CAMSAP3: variants seen among roughly 807,000 people sequenced by gnomAD.
CAMSAP3 encodes calmodulin regulated spectrin associated protein family member 3, also known as calmodulin-regulated spectrin-associated protein 3.
In CAMSAP3, 34 loss-of-function variants were observed where a neutral mutation model predicts 112.5. That is an observed-to-expected ratio of 0.30 (90% confidence interval 0.23 to 0.40). The LOEUF is 0.40. Among genes scored for constraint, CAMSAP3 ranks in the 10% least tolerant of loss-of-function variants. The probability of loss-of-function intolerance (pLI) is 1.00; values close to 1 mark genes in which losing one functional copy is unlikely to be tolerated. For missense variants in CAMSAP3, 1,602 were observed against 1,770.3 expected, an observed-to-expected ratio of 0.90 and a Z score of 1.71; for synonymous variants, 868 against 799.8, an observed-to-expected ratio of 1.09 and a Z score of -1.44.
intron 11 of CAMSAP3, among the ~76,000 whole-genome samples, chr19:7,614,283 A>AAAAAAAAAAAAAAAAAT: frequency 2.8e-5 from 4 of 142,530 alleles, no homozygotes; most frequent in Non-Finnish European, 4.6e-5. Context: ...AAAAAAAAAA[A>AAAAAAAAAAAAAAAAAT]GTGAGCACAG....
intron 1 of CAMSAP3, among the ~76,000 whole-genome samples, chr19:7,603,517 C>G (rs964749568): frequency 6.6e-6 from 1 of 151,954 alleles, no homozygotes; most frequent in Non-Finnish European, 1.5e-5. Context: ...ACCCGGCCCC[C>G]ACCCCGTTCT....
At chr19:7,601,214 T>G (rs1037797771) in intron 1 of CAMSAP3, among the ~76,000 whole-genome samples, 25 of 152,246 alleles carry the variant, frequency 1.6e-4, no homozygotes, top group Non-Finnish European at 3.4e-4. Flanking sequence ...GGGATATGTC[T>G]TGGGTCAATG....
At position 7,606,525 on chromosome 19, in the gene CAMSAP3, C is replaced by T; in HGVS notation, c.575C>T (p.Ala192Val). ...EKTEQEAAQR[A>V]SPAAPADGAA... ...ACCGAGCAGGAAGCGGCCCAGCGAG[C>T]CTCTCCAGCAGCCCCTGCAGACGGG... Residue 192 changes from alanine (A) to valine (V), a missense_variant, in exon 4 of 17, where the codon GCC becomes GTC. This residue lies in a region of CAMSAP3 where 112 missense variants were observed against 94.2 expected (regional missense o/e 1.19). Coordinates refer to ENST00000160298, the MANE Select transcript of CAMSAP3 (RefSeq NM_020902.2). 6.4e-7 allele frequency: 1 copy of T among 1,559,066 alleles called. No homozygotes were observed. Among genetic ancestry groups the T allele is most frequent in the Non-Finnish European group, 8.6e-7 (1 of 1,159,896 alleles).
Position 7,618,152 on chromosome 19 carries a change from C to T in CAMSAP3, c.*95C>T. 7.2e-7 allele frequency: 1 copy of T among 1,383,068 alleles called. No homozygotes were observed. The highest frequency in any genetic ancestry group is 1.3e-5 in the South Asian group (1 of 74,724). 85.7% of individuals were successfully genotyped at this position (1,383,068 alleles called of 1,614,324 possible). ...GGTATTCCTGGGTCCTGTCTGTCCC[C>T]AACCGTGTCTGGGTGGGGCTGGAGT... is the stretch of plus-strand genomic sequence containing the variant. On this transcript the variant is annotated 3_prime_UTR_variant, in exon 17 of 17. Transcript: ENST00000160298.
chr19:7,596,845 GC>G (rs960308872), intron 1 of CAMSAP3, among the ~76,000 whole-genome samples: 7 of 152,092 alleles, frequency 4.6e-5, no homozygotes, highest in Non-Finnish European at 7.4e-5. Flanking sequence ...CCTGGGGTGG[GC>G]CCCCCGCTCC....
rs539455375 is a variant in CAMSAP3, at chr19:7,595,877, A to AGCG, written c.-105_-103dup. 467 of 280,058 alleles carry AGCG rather than the reference A, an allele frequency of 1.7e-3. 1 individual carries two copies. The highest frequency in any genetic ancestry group is 2.0e-3 in the Non-Finnish European group (380 of 186,972). The allele number at this position is 280,058 out of a possible 1,614,324, so 17.3% of individuals were successfully genotyped here. ...CGCAAGCGGCCGCACCTGGCTCAGC[A>AGCG]GCGGCGGCGGCGGCGGCGGCGGCAG... On this transcript the variant is annotated 5_prime_UTR_variant, in exon 1 of 17. Transcript: ENST00000160298.
chr19:7,616,693 T>C (rs2030810389), intron 14 of CAMSAP3, 71 bp downstream of exon 14: 10 of 1,139,596 alleles, frequency 8.8e-6, no homozygotes, highest in Non-Finnish European at 1.2e-5. Flanking sequence ...TGTGTGGGCA[T>C]CTGGGTGAAC....
At chr19:7,605,147 G>GT (rs3223050) in intron 1 of CAMSAP3, 79 bp from the exon 2 acceptor site, 1 of 623,268 alleles carries the variant, frequency 1.6e-6, no homozygotes. Context: ...CGGGCCATGT[G>GT]GTGTGTGTGT....
intron 4 of CAMSAP3, chr19:7,606,839 G>T (rs1201709722): frequency 2.5e-6 from 4 of 1,611,952 alleles, no homozygotes; most frequent in Non-Finnish European, 2.5e-6. Flanking sequence ...CGCCCCGTCT[G>T]CCTGCCCTGC....
At chr19:7,598,467 C>T (rs1337242538) in intron 1 of CAMSAP3, among the ~76,000 whole-genome samples, 2 of 152,054 alleles carry the variant, frequency 1.3e-5, no homozygotes, top group Non-Finnish European at 2.9e-5. Flanking sequence ...ATGCAGTGGC[C>T]CCGTGGGAGT....
chr19:7,597,106 G>T (rs2024458312), intron 1 of CAMSAP3, among the ~76,000 whole-genome samples: 1 of 152,158 alleles, frequency 6.6e-6, no homozygotes, highest in Non-Finnish European at 1.5e-5. Flanking sequence ...GGGAGCTGTG[G>T]GGGTACATCC....
chr19:7,608,138 A>G lies in CAMSAP3; in HGVS notation c.634A>G (p.Lys212Glu). The G allele has an allele frequency of 6.2e-7, 1 of 1,611,512 alleles. No individual in the cohort carries two copies. The highest frequency in any genetic ancestry group is 8.5e-7 in the Non-Finnish European group (1 of 1,179,714). Residue 212 changes from lysine to glutamate, a missense_variant, in exon 5 of 17, where the codon AAG (lysine) becomes GAG (glutamate). Transcript: ENST00000160298. Reference protein sequence around the residue: ...APAQPSIRYRKDRVVARRAPC... With the variant: ...APAQPSIRYREDRVVARRAPC... ...CTCCCATCTGCAGATCCGATACCGCAAGGACCGTGTGGTGGCGCGACGTGC... is the reference window on the plus strand; with the variant it reads ...CTCCCATCTGCAGATCCGATACCGCGAGGACCGTGTGGTGGCGCGACGTGC...
Position 7,612,077 on chromosome 19 carries a change from A to G in CAMSAP3, c.1584A>G (p.Lys528=), listed in dbSNP as rs1568445624. 1 of 1,608,706 alleles carries G rather than the reference A, an allele frequency of 6.2e-7. No homozygotes were observed. The highest frequency in any genetic ancestry group is 2.2e-5 in the East Asian group (1 of 44,736). The part of the protein sequence containing the change: ...VYMPHPETPS[K]PSPCLVGEAS... ...TGCCACACCCCGAGACCCCCTCGAA[A>G]CCATCTCCCTGTCTGGTGGGGGAGG... Residue 528 remains lysine (K), a synonymous_variant, in exon 11 of 17, where the codon AAA becomes AAG. Coordinates refer to ENST00000160298, the MANE Select transcript of CAMSAP3 (RefSeq NM_020902.2).
In CAMSAP3 at chr19:7,611,260, C is replaced by A; in HGVS notation, c.1123+92C>A. The A allele has an allele frequency of 1.6e-6, 2 of 1,283,842 alleles. No individual in the cohort carries two copies. The highest frequency in any genetic ancestry group is 1.8e-5 in the Admixed American group (1 of 55,952). 79.5% of individuals were successfully genotyped at this position (1,283,842 alleles called of 1,614,324 possible). ...TCATGTTGTCTCCTCGTGAGCCTTCCAATAGCCTCTCCATCAGATCCCCCT... is the reference window on the plus strand; with the variant it reads ...TCATGTTGTCTCCTCGTGAGCCTTCAAATAGCCTCTCCATCAGATCCCCCT... On this transcript the variant is annotated intron_variant, in intron 9 of 16. Coordinates refer to ENST00000160298, the MANE Select transcript of CAMSAP3 (RefSeq NM_020902.2). This position sits in a 1 kb window ranked among gnomAD's most constrained non-coding sequence, Gnocchi z 6.9.
In CAMSAP3 at chr19:7,610,507, G is replaced by A. The variant is rs200097603; in HGVS notation, c.792G>A (p.Ala264=). ...EVCLKDPMSV[A]DSLYNLQLVQ... ...GCTTGAAGGACCCCATGTCTGTGGCGGACAGCCTGTACAACCTCCAGCTCG... is the reference window on the plus strand; with the variant it reads ...GCTTGAAGGACCCCATGTCTGTGGCAGACAGCCTGTACAACCTCCAGCTCG... The change falls in exon 6 of 17, where the codon GCG becomes GCA. Residue 264 remains alanine (A), a synonymous_variant. Coordinates refer to ENST00000160298, the MANE Select transcript of CAMSAP3 (RefSeq NM_020902.2). This position sits in a 1 kb window ranked among gnomAD's most constrained non-coding sequence, Gnocchi z 4.9. The A allele has an allele frequency of 6.2e-5, 100 of 1,613,382 alleles. No individual in the cohort carries two copies. The highest frequency in any genetic ancestry group is 1.2e-4 in the Admixed American group (7 of 59,996).
intron 5 of CAMSAP3, among the ~76,000 whole-genome samples, chr19:7,609,454 C>A (rs1338579059): frequency 6.6e-6 from 1 of 152,010 alleles, no homozygotes; most frequent in Non-Finnish European, 1.5e-5. Flanking sequence ...AGCCACCACA[C>A]CTGGCCCGGA....
rs368356046 is a variant in CAMSAP3, at chr19:7,615,247, G to C, written c.2735G>C (p.Arg912Pro). The C allele has an allele frequency of 4.2e-5, 65 of 1,551,242 alleles. No individual in the cohort carries two copies. The highest frequency in any genetic ancestry group is 5.3e-5 in the Non-Finnish European group (61 of 1,147,606). Residue 912 changes from arginine (R) to proline (P), a missense_variant, in exon 12 of 17, where the codon CGG (arginine) becomes CCG (proline). Physicochemically the swap from Arg to Pro is moderately radical, Grantham distance 103 (BLOSUM62 -2). Transcript: ENST00000160298. The surrounding 1 kb of genome is among the most constrained non-coding windows in gnomAD (Gnocchi z 6.5). ...GCCAGCCTGCTGGAGCGGCAGCAGC[G>C]GCGAGCAGAGGAGGCGCGGCGGCGC... is the stretch of plus-strand genomic sequence containing the variant. ...KRASLLERQQ[R>P]RAEEARRRKQ...
chr19:7,615,201 G>A lies in CAMSAP3; in HGVS notation c.2689G>A (p.Asp897Asn), dbSNP rs1428442710. Reference sequence around the variant, plus strand: ...TCCCCAGGATGAAGACAAGCCTGAGGACGAGATGGCCCAAAAGCGGGCCAG... The same window carrying A: ...TCCCCAGGATGAAGACAAGCCTGAGAACGAGATGGCCCAAAAGCGGGCCAG... ...FFYKDEDKPE[D>N]EMAQKRASLL... is the part of the protein sequence containing the mutation. Residue 897 changes from aspartate to asparagine, a missense_variant, in exon 12 of 17, where the codon GAC becomes AAC. Physicochemically the swap from Asp to Asn is conservative, Grantham distance 23 (BLOSUM62 1). This residue lies in a region of CAMSAP3 where 1,100 missense variants were observed against 1,135.7 expected (regional missense o/e 0.97). Transcript: ENST00000160298. The surrounding 1 kb of genome is among the most constrained non-coding windows in gnomAD (Gnocchi z 6.5). 2 of 1,554,350 alleles carry A rather than the reference G, an allele frequency of 1.3e-6. No individual in the cohort carries two copies. The highest frequency in any genetic ancestry group is 1.9e-5 in the Admixed American group (1 of 51,504).
chr19:7,612,618 G>A lies in CAMSAP3; in HGVS notation c.2125G>A (p.Ala709Thr), dbSNP rs777577670. The A allele has an allele frequency of 4.6e-6, 7 of 1,526,282 alleles. No individual in the cohort carries two copies. The highest frequency in any genetic ancestry group is 1.4e-5 in the African/African-American group (1 of 72,790). The allele number at this position is 1,526,282 out of a possible 1,614,324, so 94.5% of individuals were successfully genotyped here. ...YNRAVSKLSA[A>T]LSSLQRDMQR... ...TCGAGCGGTCAGCAAGCTGAGTGCCGCCTTGAGCTCGCTGCAGCGGGACAT... is the reference window on the plus strand; with the variant it reads ...TCGAGCGGTCAGCAAGCTGAGTGCCACCTTGAGCTCGCTGCAGCGGGACAT... Residue 709 changes from alanine (A) to threonine (T), a missense_variant, in exon 11 of 17, where the codon GCC (alanine) becomes ACC (threonine). Ala to Thr is a moderately conservative substitution (Grantham distance 58). Around this residue, in one of 6 missense-constraint regions of CAMSAP3, gnomAD observed 1,100 missense variants for 1,135.7 expected, o/e 0.97. Transcript: ENST00000160298.
Sources: allele counts gnomAD v4.1 joint callset (sites outside exome capture counted in the v4.1 genomes callset), GRCh38; gene constraint gnomAD v4.1.1; regional missense constraint gnomAD v4.1.1; non-coding constraint Gnocchi (gnomAD v3.1); transcripts MANE v1.5; gene names NCBI Gene and HGNC (gene_info 2026-07-23, HGNC 2026-07-21).